TMEM236: variants seen among roughly 807,000 people sequenced by gnomAD.
The protein encoded by TMEM236 is family with sequence similarity 23, member A.
In TMEM236, 11 loss-of-function variants were observed where a neutral mutation model predicts 14.7. The observed-to-expected ratio is 0.75, with a 90% confidence interval of 0.47 to 1.24. TMEM236 has a LOEUF of 1.24. Among genes scored for constraint, TMEM236 ranks in the 50% most tolerant of loss-of-function variants. The pLI, the probability that TMEM236 is intolerant of heterozygous loss-of-function variation, is 0.00. For synonymous variants in TMEM236, 182 were observed against 168.6 expected (o/e 1.08, Z -0.62); for missense variants, 464 against 427.3 (o/e 1.09, Z -0.76).
chr10:17,762,590 T>TATATATATATATATATATATATAC (rs1837385304), intron 1 of TMEM236, among the ~76,000 whole-genome samples: 1 of 70,112 alleles, frequency 1.4e-5, no homozygotes, highest in African/African-American at 1.1e-4. Flanking sequence ...TATATATATA[T>TATATATATATATATATATATATAC]ATATATATAT....
chr10:17,773,440 C>T (rs1273492795), intron 2 of TMEM236, among the ~76,000 whole-genome samples: 11 of 152,192 alleles, frequency 7.2e-5, no homozygotes, highest in Admixed American at 5.9e-4. Context: ...CAGGTTCAGG[C>T]GATTCTCCTG....
At position 17,800,840 on chromosome 10, in the gene TMEM236, T is replaced by A. The variant is rs1838082718; in HGVS notation, c.*4336T>A. 6.6e-6 allele frequency: 1 copy of A among 152,234 alleles called. No individual in the cohort carries two copies. Among genetic ancestry groups the A allele is most frequent in the South Asian group, 2.1e-4 (1 of 4,830 alleles). The allele number at this position is 152,234 out of a possible 1,614,324, so 9.4% of individuals were successfully genotyped here. Reference sequence around the variant, plus strand: ...GTTTTACAATGGGGCTGTTTTTACATGTTAATTAAAATTCTATGTTTAAAC... The same window carrying A: ...GTTTTACAATGGGGCTGTTTTTACAAGTTAATTAAAATTCTATGTTTAAAC... On this transcript the variant is annotated 3_prime_UTR_variant, in exon 4 of 4. Coordinates refer to ENST00000377495, the MANE Select transcript of TMEM236 (RefSeq NM_001098844.3).
intron 3 of TMEM236, among the ~76,000 whole-genome samples, chr10:17,792,425 CT>C (rs1240940460): frequency 1.3e-5 from 2 of 152,186 alleles, no homozygotes; most frequent in African/African-American, 4.8e-5. Context: ...TTCCTGTTCT[CT>C]TTGCAAGAGA....
chr10:17,789,706 T>C (rs1173800876), intron 3 of TMEM236, among the ~76,000 whole-genome samples: 1 of 151,090 alleles, frequency 6.6e-6, no homozygotes, highest in South Asian at 2.1e-4. Context: ...CATAGTGAGA[T>C]CTCCATCTCT....
chr10:17,769,449 G>C (rs1340092241), intron 1 of TMEM236, among the ~76,000 whole-genome samples: 3 of 152,200 alleles, frequency 2.0e-5, no homozygotes, highest in Admixed American at 6.5e-5. Flanking sequence ...CTGGGCAAAT[G>C]AGTGGTATTT....
intron 3 of TMEM236, among the ~76,000 whole-genome samples, chr10:17,779,180 C>T (rs1837708151): frequency 6.6e-6 from 1 of 152,154 alleles, no homozygotes; most frequent in Non-Finnish European, 1.5e-5. Flanking sequence ...TATTAACGCT[C>T]ATTTAGCATT....
chr10:17,769,784 G>A (rs1311404657), intron 1 of TMEM236, among the ~76,000 whole-genome samples: 1 of 152,220 alleles, frequency 6.6e-6, no homozygotes, highest in East Asian at 1.9e-4. Context: ...TGGGATGGGG[G>A]AGGCAAGACA....
chr10:17,762,608 TATATATATATAC>T lies in TMEM236; in HGVS notation c.258-8699_258-8688del, dbSNP rs1209768797. On this transcript the variant is annotated intron_variant, in intron 1 of 3. Transcript: ENST00000377495. ...ATATATATATATATATATATATATATATATATATATACACACATACATATATATATATATTTA... is the reference window on the plus strand; with the variant it reads ...ATATATATATATATATATATATATATACACATACATATATATATATATTTA... Among the ~76,000 whole-genome samples the T allele has an allele frequency of 7.4e-4, 58 of 78,854 alleles. 1 individual carries two copies. Among genetic ancestry groups the T allele is most frequent in the South Asian group, 1.9e-3 (5 of 2,672 alleles). The allele number at this position is 78,854 out of a possible 152,430, so 51.7% of individuals were successfully genotyped here.
chr10:17,785,549 GAAAC>G (rs1408769059), intron 3 of TMEM236, among the ~76,000 whole-genome samples: 4 of 150,478 alleles, frequency 2.7e-5, no homozygotes, highest in African/African-American at 4.9e-5. Flanking sequence ...ACATTAAAAG[GAAAC>G]AAACAAACAA....
rs576233121 is a variant in TMEM236 at position 17,767,185 on chromosome 10, G to A, written c.258-4124G>A. Among the ~76,000 whole-genome samples, 72 of 152,216 alleles carry A rather than the reference G, an allele frequency of 4.7e-4. No homozygotes were observed. The East Asian group carries it at 4.8e-3, about 10-fold the overall frequency. On this transcript the variant is annotated intron_variant, in intron 1 of 3. Transcript: ENST00000377495. ...CAACAAATTATAAGCATATCCAGCC[G>A]GGCATGGTGGCTCACGCCTGTAATC... is the stretch of plus-strand genomic sequence containing the variant.
rs1268555966 is a variant in TMEM236 at position 17,776,032 on chromosome 10, C to G, written c.334C>G (p.Gln112Glu). The G allele has an allele frequency of 6.2e-7, 1 of 1,613,686 alleles. No homozygotes were observed. The highest frequency in any genetic ancestry group is 1.3e-5 in the African/African-American group (1 of 74,896). The change falls in exon 3 of 4, where the codon CAA becomes GAA. Residue 112 changes from glutamine (Q) to glutamate (E), a missense_variant. Coordinates refer to ENST00000377495, the MANE Select transcript of TMEM236 (RefSeq NM_001098844.3). ...LTFSIAVTEV[Q>E]KSINGSADVL... Reference sequence around the variant, plus strand: ...GTAAATGGTTTTCTCTAAACAGGTTCAAAAGAGCATTAATGGGTCCGCTGA... The same window carrying G: ...GTAAATGGTTTTCTCTAAACAGGTTGAAAAGAGCATTAATGGGTCCGCTGA...
chr10:17,775,977 G>C lies in TMEM236; in HGVS notation c.331-52G>C, dbSNP rs980269722. ...GCATTCAGACTATTGAAAGCATTTT[G>C]AGCAAAGAAAGCACAATAATTTAAT... On this transcript the variant is annotated intron_variant, in intron 2 of 3. Transcript: ENST00000377495. 3.2e-4 allele frequency: 508 copies of C among 1,605,194 alleles called. 1 individual carries two copies. In the African/African-American group the frequency reaches 6.1e-3, roughly 19 times the overall value.
intron 1 of TMEM236, among the ~76,000 whole-genome samples, chr10:17,770,391 T>G (rs1837549633): frequency 1.3e-5 from 2 of 152,024 alleles, no homozygotes; most frequent in East Asian, 1.9e-4. Flanking sequence ...ATTAATTAAT[T>G]TATTTATTTT....
chr10:17,793,358 G>C (rs1837958663), intron 3 of TMEM236, among the ~76,000 whole-genome samples: 1 of 152,166 alleles, frequency 6.6e-6, no homozygotes. Flanking sequence ...ACTGTGTTCT[G>C]AATGTTGACA....
intron 1 of TMEM236, among the ~76,000 whole-genome samples, chr10:17,757,463 G>A (rs1196087723): frequency 1.3e-5 from 2 of 152,000 alleles, no homozygotes; most frequent in African/African-American, 2.4e-5. Flanking sequence ...GCCAGGCATG[G>A]TGGTACGTGA....
intron 3 of TMEM236, among the ~76,000 whole-genome samples, chr10:17,791,965 T>C (rs1477682935): frequency 6.6e-6 from 1 of 152,338 alleles, no homozygotes; most frequent in East Asian, 1.9e-4. Flanking sequence ...GGTACGGCAC[T>C]CTCATATTTG....
chr10:17,766,258 C>T (rs1204584817), intron 1 of TMEM236, among the ~76,000 whole-genome samples: 1 of 152,178 alleles, frequency 6.6e-6, no homozygotes, highest in African/African-American at 2.4e-5. Flanking sequence ...GGTTAAATAT[C>T]TCAGTTCATT....
intron 1 of TMEM236, among the ~76,000 whole-genome samples, chr10:17,767,806 A>G (rs61844010): frequency 0.071 from 10,745 of 152,074 alleles, 504 homozygotes; most frequent in Middle Eastern, 0.12. Context: ...AGATCTTTTC[A>G]TATGTCACAA....
chr10:17,764,008 A>G (rs991567395), intron 1 of TMEM236, among the ~76,000 whole-genome samples: 5 of 152,254 alleles, frequency 3.3e-5, no homozygotes, highest in African/African-American at 1.2e-4. Context: ...CTGTGGCATG[A>G]TATGAACTCA....
Sources: allele counts gnomAD v4.1 joint callset (sites outside exome capture counted in the v4.1 genomes callset), GRCh38; gene constraint gnomAD v4.1.1; transcripts MANE v1.5; gene names NCBI Gene and HGNC (gene_info 2026-07-23, HGNC 2026-07-21).